Variants in DLGAP1 observed in about 807,000 individuals in gnomAD.
DLGAP1 encodes the protein DLG associated protein 1.
Under a neutral mutation model 90.8 loss-of-function variants are expected in DLGAP1, and 11 were observed. That is an observed-to-expected ratio of 0.12 (90% CI 0.08 to 0.20). The LOEUF is 0.20. DLGAP1 is among the 10% of genes least tolerant of loss of function. DLGAP1 has a pLI of 1.00. For missense variants in DLGAP1, 1,050 were observed against 1,333.8 expected (o/e 0.79, Z 3.31); for synonymous variants, 558 against 540.7 (o/e 1.03, Z -0.44).
At chr18:4,108,483 C>T (rs564126565) in intron 2 of DLGAP1, among the ~76,000 whole-genome samples, 1 of 151,964 alleles carries the variant, frequency 6.6e-6, no homozygotes, top group South Asian at 2.1e-4. Flanking sequence ...AGCCATGAAC[C>T]TGTAATTGGA....
chr18:3,701,926 T>C (rs374081085), intron 7 of DLGAP1, among the ~76,000 whole-genome samples: 2 of 152,164 alleles, frequency 1.3e-5, no homozygotes, highest in African/African-American at 2.4e-5. Context: ...TAGGGAGTTC[T>C]TGAAGTGACT....
chr18:4,196,814 A>T (rs1315390911), intron 1 of DLGAP1, among the ~76,000 whole-genome samples: 10 of 152,184 alleles, frequency 6.6e-5, no homozygotes, highest in Admixed American at 6.5e-4. Flanking sequence ...TTTTTGTGAC[A>T]CATCTTAAAA....
intron 7 of DLGAP1, among the ~76,000 whole-genome samples, chr18:3,633,375 C>T (rs2146209519): frequency 6.7e-6 from 1 of 150,088 alleles, no homozygotes; most frequent in South Asian, 2.1e-4. Flanking sequence ...TGCACTCCAG[C>T]CTGGTGACAG....
chr18:4,080,850 C>T (rs1453705271), intron 2 of DLGAP1, among the ~76,000 whole-genome samples: 1 of 151,840 alleles, frequency 6.6e-6, no homozygotes, highest in Non-Finnish European at 1.5e-5. Context: ...ATTCATCACC[C>T]TGTTGTTCTC....
At chr18:3,667,932 C>A (rs1165019266) in intron 7 of DLGAP1, among the ~76,000 whole-genome samples, 9 of 152,152 alleles carry the variant, frequency 5.9e-5, no homozygotes, top group Non-Finnish European at 1.0e-4. Flanking sequence ...CAAAGCAGAA[C>A]CTCCTCCCAA....
At chr18:4,256,288 T>G (rs1296236258) in intron 1 of DLGAP1, among the ~76,000 whole-genome samples, 1 of 152,186 alleles carries the variant, frequency 6.6e-6, no homozygotes, top group Non-Finnish European at 1.5e-5. Context: ...TGTTCCCAGC[T>G]ACTCAAGAGG....
intron 7 of DLGAP1, among the ~76,000 whole-genome samples, chr18:3,702,887 G>A (rs2061326550): frequency 6.6e-6 from 1 of 152,210 alleles, no homozygotes; most frequent in Admixed American, 6.5e-5. Flanking sequence ...GGGACAGAGG[G>A]AGAAGAGAGA....
At chr18:3,612,289 T>C (rs1026913765) in intron 7 of DLGAP1, among the ~76,000 whole-genome samples, 1 of 152,198 alleles carries the variant, frequency 6.6e-6, no homozygotes, top group Non-Finnish European at 1.5e-5. Context: ...TGGTTTTTAT[T>C]GTCTAAAATG....
rs2143514082 is a variant in DLGAP1 at position 3,496,727 on chromosome 18, A to G, written c.*2458T>C. 6.7e-6 allele frequency: 1 copy of G among 148,938 alleles called. No homozygotes were observed. Among genetic ancestry groups the G allele is most frequent in the East Asian group, 2.0e-4 (1 of 5,104 alleles). The allele number at this position is 148,938 out of a possible 1,614,324, so 9.2% of individuals were successfully genotyped here. The stretch of plus-strand genomic sequence containing the variant: ...GAACAATGTAACAAAGGTTATGCTC[A>G]TGAATGTCAGTTTCAGGGGTCAAGC... On this transcript the variant is annotated 3_prime_UTR_variant, in exon 13 of 13. Transcript: ENST00000315677.
intron 2 of DLGAP1, among the ~76,000 whole-genome samples, chr18:4,052,280 C>T (rs1244892809): frequency 6.6e-6 from 1 of 152,196 alleles, no homozygotes; most frequent in Admixed American, 6.5e-5. Context: ...TCTGCCCCTG[C>T]AGTAAACTTC....
chr18:4,073,416 C>T (rs1187947896), intron 2 of DLGAP1, among the ~76,000 whole-genome samples: 1 of 152,160 alleles, frequency 6.6e-6, no homozygotes, highest in Non-Finnish European at 1.5e-5. Flanking sequence ...TATTAAAATG[C>T]TCTATCAACA....
At chr18:3,576,501 C>T (rs575278375) in intron 8 of DLGAP1, among the ~76,000 whole-genome samples, 121 of 151,900 alleles carry the variant, frequency 8.0e-4, no homozygotes, top group Non-Finnish European at 1.5e-3. Flanking sequence ...CCTTGTGATC[C>T]GCCTGCCTTG....
intron 1 of DLGAP1, among the ~76,000 whole-genome samples, chr18:4,300,481 T>C (rs987997200): frequency 3.3e-5 from 5 of 152,148 alleles, no homozygotes; most frequent in Admixed American, 1.3e-4. Context: ...CAAACACAAT[T>C]ACACGCCTCT....
intron 2 of DLGAP1, among the ~76,000 whole-genome samples, chr18:4,064,082 C>T (rs9959427): frequency 0.43 from 65,831 of 151,732 alleles, 15,268 homozygotes; most frequent in African/African-American, 0.6. Flanking sequence ...CATCATCAGT[C>T]AAAAGCTTTG....
rs376119967 is a variant in DLGAP1 at position 4,187,499 on chromosome 18, C to T, written c.-266-36212G>A. ...ATATTAAGAACTAAAACATTTTCTA[C>T]AGAAACTTGCCTTTTCAATTCTTAG... On this transcript the variant is annotated intron_variant, in intron 1 of 12. Transcript: ENST00000315677. 4.6e-5 allele frequency among the ~76,000 whole-genome samples: 7 copies of T among 152,108 alleles called. 1 individual carries two copies. Among genetic ancestry groups the T allele is most frequent in the Admixed American group, 4.6e-4 (7 of 15,252 alleles).
At chr18:4,380,582 C>T (rs565239380) in intron 1 of DLGAP1, among the ~76,000 whole-genome samples, 3 of 152,238 alleles carry the variant, frequency 2.0e-5, no homozygotes, top group African/African-American at 4.8e-5. Flanking sequence ...CCAAGCTGAG[C>T]GCTTAAGGGA....
chr18:4,276,149 C>T (rs530152765), intron 1 of DLGAP1, among the ~76,000 whole-genome samples: 2 of 7,930 alleles, frequency 2.5e-4, no homozygotes, highest in Non-Finnish European at 5.0e-4. Context: ...TCTTTTTTGG[C>T]GGGGGGTGGG....
intron 3 of DLGAP1, among the ~76,000 whole-genome samples, chr18:3,907,254 T>C (rs886520918): frequency 3.9e-5 from 6 of 152,188 alleles, no homozygotes; most frequent in African/African-American, 1.4e-4. Flanking sequence ...TATTCTACTC[T>C]ATTTGATCTT....
chr18:3,577,184 T>A (rs1249952276), intron 8 of DLGAP1, among the ~76,000 whole-genome samples: 1 of 151,974 alleles, frequency 6.6e-6, no homozygotes, highest in Non-Finnish European at 1.5e-5. Context: ...CAACAGCCCA[T>A]GCACCAGCTG....
Sources: allele counts gnomAD v4.1 joint callset (sites outside exome capture counted in the v4.1 genomes callset), GRCh38; gene constraint gnomAD v4.1.1; transcripts MANE v1.5; gene names NCBI Gene and HGNC (gene_info 2026-07-23, HGNC 2026-07-21).